Variants in GPC5 observed in about 807,000 individuals in gnomAD.
The protein encoded by GPC5 is glypican 5.
A neutral mutation model predicts 53.9 loss-of-function variants in GPC5; 47 were observed. That is an observed-to-expected ratio of 0.87 (90% CI 0.69 to 1.11). The LOEUF (loss-of-function observed/expected upper bound fraction) is 1.11, where lower values mean the gene tolerates loss of function less well. Among genes scored for constraint, GPC5 ranks in the 50% most tolerant of loss-of-function variants. The probability of loss-of-function intolerance (pLI) is 0.00; values close to 1 mark genes in which losing one functional copy is unlikely to be tolerated. For missense variants in GPC5, 748 were observed against 713.1 expected, an observed-to-expected ratio of 1.05 and a Z score of -0.56; for synonymous variants, 286 against 263.3, an observed-to-expected ratio of 1.09 and a Z score of -0.84.
intron 2 of GPC5, among the ~76,000 whole-genome samples, chr13:91,664,405 A>T (rs1449235424): frequency 2.0e-5 from 3 of 152,198 alleles, no homozygotes; most frequent in Non-Finnish European, 4.4e-5. Flanking sequence ...ATCCCTTAGC[A>T]GTGGATTTGT....
intron 7 of GPC5, among the ~76,000 whole-genome samples, chr13:92,360,751 A>G (rs771877592): frequency 6.6e-6 from 1 of 151,810 alleles, no homozygotes; most frequent in Non-Finnish European, 1.5e-5. Flanking sequence ...CCCAAAAGTT[A>G]CTTCAGCTCA....
At chr13:92,062,335 T>G (rs932390729) in intron 6 of GPC5, among the ~76,000 whole-genome samples, 1 of 151,970 alleles carries the variant, frequency 6.6e-6, no homozygotes. Flanking sequence ...TTACATTCAT[T>G]TGCATTGGTT....
At chr13:92,242,763 C>T (rs951056402) in intron 7 of GPC5, among the ~76,000 whole-genome samples, 2 of 152,020 alleles carry the variant, frequency 1.3e-5, no homozygotes, top group African/African-American at 4.8e-5. Flanking sequence ...ACCTATTAGT[C>T]TTTATGTTAC....
At chr13:92,573,556 A>G (rs1883099522) in intron 7 of GPC5, among the ~76,000 whole-genome samples, 1 of 152,058 alleles carries the variant, frequency 6.6e-6, no homozygotes, top group South Asian at 2.1e-4. Context: ...GTGCTAATGA[A>G]TGGGATGGAT....
intron 5 of GPC5, among the ~76,000 whole-genome samples, chr13:91,904,449 T>C (rs916258100): frequency 1.3e-5 from 2 of 152,098 alleles, no homozygotes; most frequent in Admixed American, 6.6e-5. Flanking sequence ...AAGCTAATTA[T>C]ATCTTTACCT....
chr13:92,192,993 A>G (rs1212933226), intron 7 of GPC5, among the ~76,000 whole-genome samples: 1 of 151,990 alleles, frequency 6.6e-6, no homozygotes, highest in East Asian at 1.9e-4. Flanking sequence ...TGGCCAACAT[A>G]GTGAAATCCC....
intron 7 of GPC5, among the ~76,000 whole-genome samples, chr13:92,235,614 C>T (rs557104868): frequency 6.6e-6 from 1 of 152,058 alleles, no homozygotes; most frequent in East Asian, 1.9e-4. Flanking sequence ...ATATGATTGG[C>T]TGATTAACTT....
At chr13:92,238,971 T>A (rs1406346274) in intron 7 of GPC5, among the ~76,000 whole-genome samples, 3 of 149,464 alleles carry the variant, frequency 2.0e-5, no homozygotes, top group Non-Finnish European at 1.5e-5. Flanking sequence ...TTGCATGTTT[T>A]GTCCCAGAAC....
At chr13:92,452,120 T>C (rs1404663289) in intron 7 of GPC5, among the ~76,000 whole-genome samples, 1 of 152,188 alleles carries the variant, frequency 6.6e-6, no homozygotes, top group Non-Finnish European at 1.5e-5. Context: ...TGAGAGATAA[T>C]TAACTGTTAC....
intron 7 of GPC5, among the ~76,000 whole-genome samples, chr13:92,425,473 TG>T (rs374130815): frequency 4.6e-5 from 7 of 152,168 alleles, no homozygotes; most frequent in African/African-American, 1.4e-4. Flanking sequence ...GACAGTCCTA[TG>T]GCAAAGATTC....
At chr13:92,244,551 A>G (rs2042636451) in intron 7 of GPC5, among the ~76,000 whole-genome samples, 2 of 152,144 alleles carry the variant, frequency 1.3e-5, no homozygotes, top group Non-Finnish European at 2.9e-5. Flanking sequence ...TCCAAGATAC[A>G]CTTCCTATTG....
chr13:91,411,237 G>A (rs1308854101), intron 1 of GPC5, among the ~76,000 whole-genome samples: 1 of 152,240 alleles, frequency 6.6e-6, no homozygotes, highest in South Asian at 2.1e-4. Flanking sequence ...CTGAATTAAT[G>A]TGAGTAGGGA....
chr13:92,731,641 A>G (rs1888808103), intron 7 of GPC5, among the ~76,000 whole-genome samples: 1 of 151,492 alleles, frequency 6.6e-6, no homozygotes, highest in South Asian at 2.1e-4. Flanking sequence ...AATTACTTAA[A>G]TTGAGAGTAA....
At chr13:91,862,105 A>G (rs904934963) in intron 5 of GPC5, among the ~76,000 whole-genome samples, 13 of 152,164 alleles carry the variant, frequency 8.5e-5, no homozygotes, top group Admixed American at 2.0e-4. Context: ...TGTTACTCAT[A>G]TACTTATCAT....
intron 7 of GPC5, among the ~76,000 whole-genome samples, chr13:92,197,012 C>G (rs1056121858): frequency 6.6e-6 from 1 of 152,174 alleles, no homozygotes; most frequent in Non-Finnish European, 1.5e-5. Flanking sequence ...AATCGTGCAA[C>G]AAAAGCGAGT....
At chr13:92,241,574 G>T (rs1049896418) in intron 7 of GPC5, 1 of 152,096 alleles carries the variant, frequency 6.6e-6, no homozygotes, top group Non-Finnish European at 1.5e-5. Flanking sequence ...TACCTTAGAT[G>T]GTTTTATTTC....
chr13:91,848,161 A>G (rs1015394876), intron 5 of GPC5, among the ~76,000 whole-genome samples: 14 of 152,234 alleles, frequency 9.2e-5, no homozygotes, highest in African/African-American at 1.9e-4. Context: ...ATGCATTTAC[A>G]TGCCAGTTTT....
chr13:91,512,337 T>C (rs1885274773), intron 2 of GPC5, among the ~76,000 whole-genome samples: 1 of 152,230 alleles, frequency 6.6e-6, no homozygotes, highest in African/African-American at 2.4e-5. Context: ...CTTTCTGTCC[T>C]ATTCTTCTGT....
intron 2 of GPC5, among the ~76,000 whole-genome samples, chr13:91,557,521 G>A (rs1476812760): frequency 6.6e-6 from 1 of 152,106 alleles, no homozygotes; most frequent in African/African-American, 2.4e-5. Context: ...TCCAGCCCCA[G>A]GGCTCCATCT....
Sources: allele counts gnomAD v4.1 joint callset (sites outside exome capture counted in the v4.1 genomes callset), GRCh38; gene constraint gnomAD v4.1.1; transcripts MANE v1.5; gene names NCBI Gene and HGNC (gene_info 2026-07-23, HGNC 2026-07-21).